Variants in GARRE1 observed in about 807,000 individuals in gnomAD.
GARRE1 encodes granule associated Rac and RHOG effector protein 1.
In GARRE1, 49 loss-of-function variants were observed where a neutral mutation model predicts 103.2. The ratio of observed to expected loss-of-function variants is 0.47; its 90% CI spans 0.38 to 0.60. The LOEUF is 0.60. GARRE1 is among the 20% of genes least tolerant of loss of function. The pLI is 0.00. For synonymous variants in GARRE1, 505 were observed against 532.8 expected (o/e 0.95, Z 0.72); for missense variants, 1,199 against 1,370.5 (o/e 0.87, Z 1.98).
intron 1 of GARRE1, among the ~76,000 whole-genome samples, chr19:34,254,928 C>T (rs924886205): frequency 6.6e-6 from 1 of 151,230 alleles, no homozygotes; most frequent in Non-Finnish European, 1.5e-5. Context: ...CGGCGCCCGT[C>T]AGGCGGGGAA....
chr19:34,277,330 A>G (rs188915181), intron 1 of GARRE1, among the ~76,000 whole-genome samples: 2 of 152,324 alleles, frequency 1.3e-5, no homozygotes, highest in East Asian at 3.9e-4. Flanking sequence ...AGAAAGGAAT[A>G]AAAATGAAAC....
rs1308211260 is a variant in GARRE1 at position 34,328,288 on chromosome 19, C to G, written c.1104+137C>G. ...TGGTGGCTCACGCCTGTAATCCTAG[C>G]ACTTTGGGAGGCGGGCGGATCACCT... On this transcript the variant is annotated intron_variant, in intron 6 of 13. Transcript: ENST00000299505. 91 of 943,918 alleles carry G rather than the reference C, an allele frequency of 9.6e-5. No individual in the cohort carries two copies. In the East Asian group the frequency reaches 2.2e-3, roughly 22 times the overall value. The allele number at this position is 943,918 out of a possible 1,614,324, so 58.5% of individuals were successfully genotyped here.
intron 1 of GARRE1, among the ~76,000 whole-genome samples, chr19:34,262,706 G>T (rs572307095): frequency 4.6e-5 from 7 of 152,258 alleles, no homozygotes; most frequent in African/African-American, 1.7e-4. Flanking sequence ...AGCACACTAA[G>T]ATCCTCTGAC....
At chr19:34,327,097 A>G (rs1381944981) in intron 3 of GARRE1, among the ~76,000 whole-genome samples, 1 of 151,968 alleles carries the variant, frequency 6.6e-6, no homozygotes, top group African/African-American at 2.4e-5. Flanking sequence ...GGAGGTTGCA[A>G]TGAGCTGAGA....
chr19:34,322,329 G>T (rs755151509), intron 3 of GARRE1, among the ~76,000 whole-genome samples: 7 of 151,636 alleles, frequency 4.6e-5, no homozygotes, highest in Non-Finnish European at 2.9e-5. Context: ...GCACCACGAC[G>T]CCTGGCTAAT....
chr19:34,322,010 C>T (rs1197312346), intron 3 of GARRE1, among the ~76,000 whole-genome samples: 1 of 152,144 alleles, frequency 6.6e-6, no homozygotes, highest in African/African-American at 2.4e-5. Flanking sequence ...CAGGGAGCCG[C>T]TCCGGTGGGG....
chr19:34,255,504 A>G lies in GARRE1; in HGVS notation c.-796+890A>G, dbSNP rs1446382174. On this transcript the variant is annotated intron_variant, in intron 1 of 13. Transcript: ENST00000299505. ...AATGACAGTCATCTGCCAGTCTACC[A>G]TTCAGTGACAACCACTGCTAACATT... Among the ~76,000 whole-genome samples, 5 of 152,258 alleles carry G rather than the reference A, an allele frequency of 3.3e-5. No homozygotes were observed. In the East Asian group the frequency reaches 7.7e-4, roughly 23 times the overall value.
intron 2 of GARRE1, among the ~76,000 whole-genome samples, chr19:34,302,736 G>GTT (rs35460135): frequency 4.0e-4 from 52 of 129,026 alleles, no homozygotes; most frequent in African/African-American, 1.1e-3. Flanking sequence ...GTCTTTGATA[G>GTT]TTTTTTTTTT....
rs535765849 is a variant in GARRE1 at position 34,300,472 on chromosome 19, G to A, written c.-2G>A. The A allele has an allele frequency of 2.7e-5, 42 of 1,552,456 alleles. No homozygotes were observed. The highest frequency in any genetic ancestry group is 5.5e-5 in the African/African-American group (4 of 73,342). Reference sequence around the variant, plus strand: ...GGTTGCTGGGACAATTCCCCCTCCCGCATGTATTGCTGCAGTGCCCAGGAC... The same window carrying A: ...GGTTGCTGGGACAATTCCCCCTCCCACATGTATTGCTGCAGTGCCCAGGAC... On this transcript the variant is annotated 5_prime_UTR_variant, in exon 2 of 14. Transcript: ENST00000299505.
intron 1 of GARRE1, among the ~76,000 whole-genome samples, chr19:34,269,452 C>T (rs1461512154): frequency 3.3e-5 from 5 of 152,142 alleles, no homozygotes; most frequent in Non-Finnish European, 5.9e-5. Flanking sequence ...TTTTCCTATC[C>T]GCCTGAGTTT....
chr19:34,348,500 A>AT (rs1228500052), intron 11 of GARRE1: 1 of 155,528 alleles, frequency 6.4e-6, no homozygotes, highest in Non-Finnish European at 1.4e-5. Context: ...ACAACTGGGG[A>AT]TTTTTTTATA....
At chr19:34,257,807 C>T (rs2073684154) in intron 1 of GARRE1, among the ~76,000 whole-genome samples, 1 of 152,038 alleles carries the variant, frequency 6.6e-6, no homozygotes, top group Non-Finnish European at 1.5e-5. Flanking sequence ...TGACTTTGAT[C>T]TCAGGTATTT....
intron 2 of GARRE1, among the ~76,000 whole-genome samples, chr19:34,302,822 G>T: frequency 6.8e-6 from 1 of 146,012 alleles, no homozygotes; most frequent in East Asian, 2.1e-4. Flanking sequence ...TCGGCTCACT[G>T]CAACCTCTGC....
chr19:34,258,601 G>A (rs748829942), intron 1 of GARRE1, among the ~76,000 whole-genome samples: 6 of 151,772 alleles, frequency 4.0e-5, no homozygotes, highest in Non-Finnish European at 7.4e-5. Flanking sequence ...TGGCTAACAT[G>A]GTGAAACCCC....
chr19:34,280,739 A>G (rs1378504835), intron 1 of GARRE1, among the ~76,000 whole-genome samples: 1 of 152,062 alleles, frequency 6.6e-6, no homozygotes, highest in East Asian at 1.9e-4. Flanking sequence ...CGGGTTTTCT[A>G]GGTGCTTTTG....
chr19:34,291,882 CAG>C (rs1353838292), intron 1 of GARRE1, among the ~76,000 whole-genome samples: 2 of 146,746 alleles, frequency 1.4e-5, no homozygotes, highest in Admixed American at 1.4e-4. Context: ...TTTTTTGAGA[CAG>C]AGTCTCACTC....
intron 1 of GARRE1, among the ~76,000 whole-genome samples, chr19:34,255,050 G>T (rs914576529): frequency 2.1e-4 from 32 of 152,062 alleles, no homozygotes; most frequent in African/African-American, 7.5e-4. Flanking sequence ...GTCCGCTGGG[G>T]CTAGCCGGGG....
At chr19:34,329,527 T>A (rs940540627) in intron 6 of GARRE1, among the ~76,000 whole-genome samples, 1 of 152,106 alleles carries the variant, frequency 6.6e-6, no homozygotes, top group African/African-American at 2.4e-5. Context: ...ATGGCATAAT[T>A]AGGGTGTATT....
At chr19:34,281,176 A>G (rs530661444) in intron 1 of GARRE1, among the ~76,000 whole-genome samples, 19 of 152,322 alleles carry the variant, frequency 1.2e-4, no homozygotes, top group African/African-American at 4.3e-4. Flanking sequence ...GCTGGAGTAT[A>G]GTGGCGCCAT....
Sources: gnomAD v4.1 joint callset for allele counts (sites outside exome capture counted in the v4.1 genomes callset) on GRCh38, gnomAD v4.1.1 for gene constraint, MANE v1.5 for transcripts, NCBI Gene and HGNC (gene_info 2026-07-23, HGNC 2026-07-21) for gene names.